Variants in PDSS2 observed in about 807,000 individuals in gnomAD.
PDSS2 encodes the protein all trans-polyprenyl-diphosphate synthase PDSS2.
In PDSS2, 31 loss-of-function variants were observed where a neutral mutation model predicts 44.5. That is an observed-to-expected ratio of 0.70 (90% CI 0.52 to 0.94). The LOEUF (loss-of-function observed/expected upper bound fraction) is 0.94, where lower values mean the gene tolerates loss of function less well. Ranked by LOEUF, PDSS2 falls within the 40% of genes least tolerant of loss-of-function variation. PDSS2 has a pLI of 0.00. For missense variants in PDSS2, 452 were observed against 482.2 expected (o/e 0.94, Z 0.59); for synonymous variants, 157 against 180.3 (o/e 0.87, Z 1.03).
chr6:107,393,174 T>C (rs1480836926), intron 1 of PDSS2, among the ~76,000 whole-genome samples: 2 of 152,164 alleles, frequency 1.3e-5, no homozygotes, highest in Non-Finnish European at 1.5e-5. Context: ...TAGTATTGCT[T>C]TACCTGCATC....
chr6:107,160,943 G>C (rs559291901), intron 7 of PDSS2, among the ~76,000 whole-genome samples: 14 of 151,696 alleles, frequency 9.2e-5, no homozygotes, highest in Admixed American at 6.6e-4. Context: ...TCTCCATGTT[G>C]GTCAGGCTGG....
chr6:107,440,445 G>T (rs1781480902), intron 1 of PDSS2, among the ~76,000 whole-genome samples: 1 of 152,212 alleles, frequency 6.6e-6, no homozygotes, highest in Non-Finnish European at 1.5e-5. Flanking sequence ...AATAGCCTAT[G>T]ACAACATAGA....
chr6:107,215,185 A>G (rs1297735925), intron 4 of PDSS2, among the ~76,000 whole-genome samples: 1 of 152,188 alleles, frequency 6.6e-6, no homozygotes, highest in Non-Finnish European at 1.5e-5. Flanking sequence ...CTGCAGAGGT[A>G]TTTGACAAAA....
intron 2 of PDSS2, among the ~76,000 whole-genome samples, chr6:107,314,912 A>G (rs1173400592): frequency 6.6e-6 from 1 of 152,242 alleles, no homozygotes; most frequent in Non-Finnish European, 1.5e-5. Context: ...ATAAGCAAAT[A>G]CCATGTTACT....
chr6:107,280,207 G>T (rs780597289), intron 2 of PDSS2, among the ~76,000 whole-genome samples: 1 of 152,178 alleles, frequency 6.6e-6, no homozygotes, highest in South Asian at 2.1e-4. Context: ...TTACAGGCAT[G>T]CGCCATGATG....
chr6:107,325,600 T>C (rs754291579), intron 2 of PDSS2, among the ~76,000 whole-genome samples: 18 of 152,338 alleles, frequency 1.2e-4, no homozygotes, highest in Non-Finnish European at 2.2e-4. Flanking sequence ...TTGTAGTTTA[T>C]GCATTTTCAC....
chr6:107,324,382 C>T (rs1185661306), intron 2 of PDSS2, among the ~76,000 whole-genome samples: 1 of 152,166 alleles, frequency 6.6e-6, no homozygotes, highest in Non-Finnish European at 1.5e-5. Context: ...TTTAAAATCA[C>T]TGTCAATAAG....
chr6:107,274,644 C>T (rs1281612850), intron 2 of PDSS2, among the ~76,000 whole-genome samples: 1 of 150,238 alleles, frequency 6.7e-6, no homozygotes, highest in Non-Finnish European at 1.5e-5. Context: ...AGTCTAAGGG[C>T]ATTACATACA....
intron 1 of PDSS2, among the ~76,000 whole-genome samples, chr6:107,400,893 T>C (rs1230467065): frequency 6.6e-6 from 1 of 151,354 alleles, no homozygotes. Context: ...ATTGCAGAGG[T>C]TGCACAAACT....
chr6:107,291,645 T>A (rs968370673), intron 2 of PDSS2, among the ~76,000 whole-genome samples: 4 of 151,160 alleles, frequency 2.6e-5, no homozygotes, highest in Non-Finnish European at 4.4e-5. Flanking sequence ...GAATTACAGG[T>A]ATGAGTCACC....
chr6:107,451,783 T>C (rs1781874646), intron 1 of PDSS2, among the ~76,000 whole-genome samples: 1 of 152,134 alleles, frequency 6.6e-6, no homozygotes, highest in African/African-American at 2.4e-5. Flanking sequence ...CTTTGCAGCC[T>C]CCAATCTAGC....
chr6:107,239,069 G>A (rs1027877691), intron 4 of PDSS2, among the ~76,000 whole-genome samples: 1 of 152,122 alleles, frequency 6.6e-6, no homozygotes, highest in Non-Finnish European at 1.5e-5. Flanking sequence ...TTGAGGTTAG[G>A]GGTTCGAGAC....
intron 1 of PDSS2, among the ~76,000 whole-genome samples, chr6:107,363,567 A>T (rs1024668282): frequency 2.5e-4 from 38 of 152,296 alleles, no homozygotes; most frequent in Admixed American, 5.9e-4. Flanking sequence ...TGAGTGTTAC[A>T]GCTCATAAAA....
intron 7 of PDSS2, among the ~76,000 whole-genome samples, chr6:107,158,453 G>C (rs554428603): frequency 6.6e-6 from 1 of 152,206 alleles, no homozygotes; most frequent in African/African-American, 2.4e-5. Flanking sequence ...CCAAAGTGCT[G>C]GGGTTACAGG....
At chr6:107,440,768 A>G (rs988808521) in intron 1 of PDSS2, among the ~76,000 whole-genome samples, 6 of 152,212 alleles carry the variant, frequency 3.9e-5, no homozygotes, top group African/African-American at 7.2e-5. Flanking sequence ...TGAATACTGT[A>G]TACAGGAGGA....
chr6:107,320,227 G>A (rs987719770), intron 2 of PDSS2, among the ~76,000 whole-genome samples: 4 of 152,202 alleles, frequency 2.6e-5, no homozygotes, highest in South Asian at 2.1e-4. Context: ...GTTTTGCGTC[G>A]CAGTTTGTTG....
intron 2 of PDSS2, among the ~76,000 whole-genome samples, chr6:107,318,020 G>A (rs981482815): frequency 6.6e-6 from 1 of 152,022 alleles, no homozygotes; most frequent in Non-Finnish European, 1.5e-5. Flanking sequence ...AATAAGATGC[G>A]ACAGTGGTTA....
intron 3 of PDSS2, among the ~76,000 whole-genome samples, chr6:107,269,333 C>T (rs1200029038): frequency 1.2e-5 from 1 of 80,288 alleles, no homozygotes; most frequent in South Asian, 6.4e-4. Flanking sequence ...AATCTCATTT[C>T]GTGTGTCTGT....
chr6:107,370,095 T>C (rs1779086287), intron 1 of PDSS2, among the ~76,000 whole-genome samples: 1 of 151,976 alleles, frequency 6.6e-6, no homozygotes, highest in Non-Finnish European at 1.5e-5. Flanking sequence ...CTTGAACTTC[T>C]GAGTTGTGGA....
Sources: gnomAD v4.1 joint callset for allele counts (sites outside exome capture counted in the v4.1 genomes callset) on GRCh38, gnomAD v4.1.1 for gene constraint, MANE v1.5 for transcripts, NCBI Gene and HGNC (gene_info 2026-07-23, HGNC 2026-07-21) for gene names.